Variants in RGS3 observed in about 807,000 individuals in gnomAD.
The protein encoded by RGS3 is regulator of G-protein signalling 3.
RGS3 carries 80 observed loss-of-function variants against 132.6 expected under a neutral mutation model. The observed-to-expected ratio is 0.60, with a 90% CI of 0.50 to 0.73. The LOEUF is 0.73. RGS3 is among the 30% of genes least tolerant of loss of function. The pLI, the probability that RGS3 is intolerant of heterozygous loss-of-function variation, is 0.00. For synonymous variants in RGS3, 598 were observed against 620.6 expected (o/e 0.96, Z 0.54); for missense variants, 1,382 against 1,530.8 (o/e 0.90, Z 1.62).
At chr9:113,543,729 A>G (rs1406680656) in intron 19 of RGS3, among the ~76,000 whole-genome samples, 1 of 152,188 alleles carries the variant, frequency 6.6e-6, no homozygotes, top group Non-Finnish European at 1.5e-5. Flanking sequence ...AGCTCTGGCC[A>G]CAAAGAAATG....
rs1833951221 is a variant in RGS3, at chr9:113,565,393, G to A, written c.2038-18057G>A. ...TTTGGGAAAGGCGCTGGAGGAGGAG[G>A]AAGAGGAGGAGGACAAGTAGGAGGA... is the stretch of plus-strand genomic sequence containing the variant. On this transcript the variant is annotated intron_variant, in intron 19 of 24. Transcript: ENST00000350696. This position sits in a 1 kb window ranked among gnomAD's most constrained non-coding sequence, Gnocchi z 5.7. 21 of 1,288,842 alleles carry A rather than the reference G, an allele frequency of 1.6e-5. No homozygotes were observed. Among genetic ancestry groups the A allele is most frequent in the Non-Finnish European group, 2.1e-5 (21 of 988,126 alleles). The allele number at this position is 1,288,842 out of a possible 1,614,324, so 79.8% of individuals were successfully genotyped here. A position where few individuals can be genotyped will look rare whatever the true frequency, so the allele number is the denominator to read the frequency against.
chr9:113,483,182 A>T (rs369462988), intron 5 of RGS3, 65 bp downstream of exon 3: 6 of 1,168,148 alleles, frequency 5.1e-6, no homozygotes, highest in Non-Finnish European at 2.5e-6. Context: ...GCTCAGTCCC[A>T]AGGTCCCAGC....
intron 19 of RGS3, among the ~76,000 whole-genome samples, chr9:113,557,187 A>AG (rs1588245790): frequency 1.3e-5 from 2 of 152,380 alleles, no homozygotes; most frequent in East Asian, 3.9e-4. Flanking sequence ...TTACTGGGTT[A>AG]GGGAGGGTAG....
At chr9:113,517,410 G>T in intron 15 of RGS3, 131 bp from the exon 14 acceptor site, 1 of 742,732 alleles carries the variant, frequency 1.3e-6, no homozygotes, top group South Asian at 1.4e-5. Context: ...TTCTCGGGTC[G>T]GTGGCGGGCT....
At chr9:113,484,961 T>G (rs768379650) in intron 6 of RGS3, among the ~76,000 whole-genome samples, 1 of 152,206 alleles carries the variant, frequency 6.6e-6, no homozygotes, top group Non-Finnish European at 1.5e-5. Flanking sequence ...TACGCCCTAC[T>G]GTATTTCTTT....
intron 20 of RGS3, among the ~76,000 whole-genome samples, chr9:113,587,286 T>A (rs565851112): frequency 6.6e-6 from 1 of 152,302 alleles, no homozygotes; most frequent in East Asian, 1.9e-4. Context: ...ACTTCTATCT[T>A]CCTGGCTTTG....
rs1029359571 is a variant in RGS3 at position 113,463,725 on chromosome 9, C to T, written c.415+1524C>T. The stretch of plus-strand genomic sequence containing the variant: ...ACCTCCCGCTCGCGCTCCTCCCGCC[C>T]TGGAGACTCCGGTTACTGGGGAGCA... On this transcript the variant is annotated intron_variant, in intron 3 of 24. Coordinates refer to ENST00000350696, the Ensembl canonical transcript of RGS3. This position sits in a 1 kb window ranked among gnomAD's most constrained non-coding sequence, Gnocchi z 4.6. The T allele has an allele frequency of 1.3e-6, 2 of 1,505,648 alleles. No individual in the cohort carries two copies. Among genetic ancestry groups the T allele is most frequent in the South Asian group, 1.3e-5 (1 of 76,100 alleles). 93.3% of individuals were successfully genotyped at this position (1,505,648 alleles called of 1,614,324 possible).
chr9:113,544,874 G>A (rs539238832), intron 19 of RGS3, among the ~76,000 whole-genome samples: 4 of 152,356 alleles, frequency 2.6e-5, no homozygotes, highest in African/African-American at 9.6e-5. Flanking sequence ...TCTCCAGGAA[G>A]AGGCAAGAGA....
chr9:113,523,299 CT>C (rs1832050997), intron 17 of RGS3, among the ~76,000 whole-genome samples: 1 of 152,146 alleles, frequency 6.6e-6, no homozygotes, highest in Admixed American at 6.5e-5. Context: ...GTAGGAAGAG[CT>C]TTGGATTCAG....
chr9:113,493,599 C>T (rs185550499), intron 7 of RGS3, among the ~76,000 whole-genome samples: 29 of 152,248 alleles, frequency 1.9e-4, no homozygotes, highest in African/African-American at 6.7e-4. Context: ...TAGGACTGTC[C>T]GGTGGTAAGC....
At position 113,548,549 on chromosome 9, in the gene RGS3, G is replaced by C. The variant is rs977020855; in HGVS notation, c.2037+11631G>C. On this transcript the variant is annotated intron_variant, in intron 19 of 24. Coordinates refer to ENST00000350696, the Ensembl canonical transcript of RGS3. ...GGGAACAGAGCTGAGGGGAAGAGGA[G>C]GGGGCTCCTTCGGGAGCTGGGTGGG... 3.9e-5 allele frequency among the ~76,000 whole-genome samples: 6 copies of C among 152,296 alleles called. 1 individual carries two copies. Among genetic ancestry groups the C allele is most frequent in the African/African-American group, 1.4e-4 (6 of 41,570 alleles).
intron 18 of RGS3, among the ~76,000 whole-genome samples, chr9:113,532,962 T>C (rs1832532549): frequency 6.6e-6 from 1 of 152,184 alleles, no homozygotes; most frequent in Admixed American, 6.5e-5. Flanking sequence ...TGGTCCAGTC[T>C]GCAAGAGGGA....
chr9:113,587,010 C>T (rs1202554677), intron 20 of RGS3, among the ~76,000 whole-genome samples: 8 of 152,264 alleles, frequency 5.3e-5, no homozygotes, highest in Middle Eastern at 3.4e-3. Flanking sequence ...CTGGCTGTGC[C>T]GCCATTCGAA....
intron 19 of RGS3, among the ~76,000 whole-genome samples, chr9:113,562,314 A>G (rs2118825736): frequency 6.6e-6 from 1 of 152,114 alleles, no homozygotes; most frequent in South Asian, 2.1e-4. Context: ...CACCTCTACT[A>G]AAAATGCAAA....
At chr9:113,558,369 G>A (rs930550993) in intron 19 of RGS3, among the ~76,000 whole-genome samples, 1 of 152,176 alleles carries the variant, frequency 6.6e-6, no homozygotes, top group Admixed American at 6.5e-5. Context: ...CGGACGTGGT[G>A]GTGGGCGCCT....
Position 113,565,317 on chromosome 9 carries a change from G to A in RGS3, c.2038-18133G>A, listed in dbSNP as rs1588258606. 7.8e-7 allele frequency: 1 copy of A among 1,289,696 alleles called. No individual in the cohort carries two copies. Among genetic ancestry groups the A allele is most frequent in the Non-Finnish European group, 1.0e-6 (1 of 988,790 alleles). The allele number at this position is 1,289,696 out of a possible 1,614,324, so 79.9% of individuals were successfully genotyped here. On this transcript the variant is annotated intron_variant, in intron 19 of 24. Coordinates refer to ENST00000350696, the Ensembl canonical transcript of RGS3. The surrounding 1 kb of genome is among the most constrained non-coding windows in gnomAD (Gnocchi z 5.7). ...AGAGTTTTCTGTTTAATGGAAGAAA[G>A]AAATCCAGCCTCTCTCCAGAGTGGC...
At chr9:113,457,867 C>T (rs1022599618), upstream of RGS3, among the ~76,000 whole-genome samples, 1 of 151,924 alleles carries the variant, frequency 6.6e-6, no homozygotes, top group Non-Finnish European at 1.5e-5. Context: ...ACAGATGATG[C>T]CAATGCAATT....
chr9:113,591,550 T>G lies in RGS3; in HGVS notation c.3080+153T>G. On this transcript the variant is annotated intron_variant, in intron 21 of 24. Coordinates refer to ENST00000350696, the Ensembl canonical transcript of RGS3. This position sits in a 1 kb window ranked among gnomAD's most constrained non-coding sequence, Gnocchi z 4.4. ...CCAAGGAAAAACTGGATCTTGGAAC[T>G]TTGCAGTGACCCCAAAGTGGGGTCA... is the stretch of plus-strand genomic sequence containing the variant. 1.4e-6 allele frequency: 1 copy of G among 695,098 alleles called. No homozygotes were observed. The highest frequency in any genetic ancestry group is 2.5e-6 in the Non-Finnish European group (1 of 393,670). The allele number at this position is 695,098 out of a possible 1,614,324, so 43.1% of individuals were successfully genotyped here. A position where few individuals can be genotyped will look rare whatever the true frequency, so the allele number is the denominator to read the frequency against.
chr9:113,564,346 C>A (rs1301319093), intron 19 of RGS3, among the ~76,000 whole-genome samples: 1 of 152,172 alleles, frequency 6.6e-6, no homozygotes, highest in African/African-American at 2.4e-5. Flanking sequence ...TTAATGCAGG[C>A]AGAGCTCTGG....
Sources: allele counts gnomAD v4.1 joint callset (sites outside exome capture counted in the v4.1 genomes callset), GRCh38; gene constraint gnomAD v4.1.1; non-coding constraint Gnocchi (gnomAD v3.1); transcripts MANE v1.5; gene names NCBI Gene and HGNC (gene_info 2026-07-23, HGNC 2026-07-21).